IQCJ: variants seen among roughly 807,000 people sequenced by gnomAD.
The protein encoded by IQCJ is IQ domain-containing protein J.
In IQCJ, 9 loss-of-function variants were observed where a neutral mutation model predicts 11.0. The ratio of observed to expected loss-of-function variants is 0.82; its 90% CI spans 0.49 to 1.43. The LOEUF (loss-of-function observed/expected upper bound fraction) is 1.43, where lower values mean the gene tolerates loss of function less well. Among genes scored for constraint, IQCJ ranks in the 40% most tolerant of loss-of-function variants. The pLI is 0.00. For missense variants in IQCJ, 146 were observed against 133.2 expected, an observed-to-expected ratio of 1.10 and a Z score of -0.47; for synonymous variants, 55 against 51.3, an observed-to-expected ratio of 1.07 and a Z score of -0.31.
At chr3:159,137,526 T>C (rs1720366416) in intron 1 of IQCJ, among the ~76,000 whole-genome samples, 1 of 152,200 alleles carries the variant, frequency 6.6e-6, no homozygotes, top group Non-Finnish European at 1.5e-5. Flanking sequence ...CATAAGACAA[T>C]GATCCTTTAA....
At chr3:159,185,617 G>A (rs1723330971) in intron 1 of IQCJ, among the ~76,000 whole-genome samples, 1 of 152,170 alleles carries the variant, frequency 6.6e-6, no homozygotes, top group African/African-American at 2.4e-5. Flanking sequence ...CTCAGTATCT[G>A]CAATGAAATT....
chr3:159,103,726 A>C (rs1718073838), intron 1 of IQCJ, among the ~76,000 whole-genome samples: 1 of 152,220 alleles, frequency 6.6e-6, no homozygotes, highest in African/African-American at 2.4e-5. Flanking sequence ...GGTGTTTCAC[A>C]TCTAAGTTGC....
At position 159,263,400 on chromosome 3, in the gene IQCJ, C is replaced by T. The variant is rs1446943463; in HGVS notation, c.*669C>T. ...CCTACAGGCCACCAGTTTAAGAAATCTGAGATAGAGAGTTAAGGAATAAGG... is the reference window on the plus strand; with the variant it reads ...CCTACAGGCCACCAGTTTAAGAAATTTGAGATAGAGAGTTAAGGAATAAGG... On this transcript the variant is annotated 3_prime_UTR_variant, in exon 4 of 4. Coordinates refer to ENST00000397832, the MANE Select transcript of IQCJ (RefSeq NM_001042706.3). The T allele has an allele frequency of 3.7e-5, 36 of 974,228 alleles. No homozygotes were observed. Among genetic ancestry groups the T allele is most frequent in the Non-Finnish European group, 4.1e-5 (34 of 819,938 alleles). 60.3% of individuals were successfully genotyped at this position (974,228 alleles called of 1,614,324 possible).
chr3:159,255,006 G>A (rs868433509), intron 3 of IQCJ, among the ~76,000 whole-genome samples: 4 of 152,340 alleles, frequency 2.6e-5, no homozygotes, highest in East Asian at 1.9e-4. Flanking sequence ...CCAGCTGACC[G>A]TGGCATCTTC....
chr3:159,142,174 TTTTG>T (rs1720640432), intron 1 of IQCJ, among the ~76,000 whole-genome samples: 2 of 152,206 alleles, frequency 1.3e-5, no homozygotes. Flanking sequence ...TCTGATTTGA[TTTTG>T]TTTTTTAGTC....
rs74409987 is a variant in IQCJ, at chr3:159,194,850, C to T, written c.10-50993C>T. 9.9e-4 allele frequency among the ~76,000 whole-genome samples: 150 copies of T among 152,198 alleles called. 1 individual carries two copies. Among genetic ancestry groups the T allele is most frequent in the African/African-American group, 3.4e-3 (140 of 41,528 alleles). On this transcript the variant is annotated intron_variant, in intron 1 of 3. Coordinates refer to ENST00000397832, the MANE Select transcript of IQCJ (RefSeq NM_001042706.3). ...TATCACGACTGGGTGTGGTGGCTCA[C>T]GCCTGTAATCCCAGCACTTTGGGAG...
intron 1 of IQCJ, among the ~76,000 whole-genome samples, chr3:159,121,209 C>T (rs987690361): frequency 6.6e-6 from 1 of 151,172 alleles, no homozygotes; most frequent in Admixed American, 6.6e-5. Flanking sequence ...TCATGGCTCA[C>T]TGCAGCCTCG....
At chr3:159,132,319 A>T (rs866978984) in intron 1 of IQCJ, among the ~76,000 whole-genome samples, 4 of 152,202 alleles carry the variant, frequency 2.6e-5, no homozygotes, top group Non-Finnish European at 5.9e-5. Context: ...AGAAAAATTA[A>T]AAGAAACCCC....
intron 1 of IQCJ, among the ~76,000 whole-genome samples, chr3:159,245,458 C>CTTTTTTTTT (rs34153369): frequency 5.3e-5 from 6 of 113,064 alleles, no homozygotes; most frequent in Non-Finnish European, 5.4e-5. Context: ...GTCCTGAATT[C>CTTTTTTTTT]TTTTTTTTTT....
intron 1 of IQCJ, among the ~76,000 whole-genome samples, chr3:159,140,841 T>A (rs542377288): frequency 1.3e-5 from 2 of 152,294 alleles, no homozygotes; most frequent in South Asian, 4.1e-4. Flanking sequence ...TGCAGAAATG[T>A]GTTGTCTCAC....
chr3:159,072,743 A>C (rs1376370133), intron 1 of IQCJ, among the ~76,000 whole-genome samples: 1 of 152,114 alleles, frequency 6.6e-6, no homozygotes, highest in African/African-American at 2.4e-5. Flanking sequence ...GACTATTAAT[A>C]TCCACATTCT....
At chr3:159,215,411 AG>A (rs1460093846) in intron 1 of IQCJ, among the ~76,000 whole-genome samples, 3 of 152,276 alleles carry the variant, frequency 2.0e-5, no homozygotes, top group South Asian at 2.1e-4. Flanking sequence ...ATATTCCTTC[AG>A]CTTAAAATAT....
intron 2 of IQCJ, among the ~76,000 whole-genome samples, chr3:159,247,121 G>A (rs944002576): frequency 2.6e-5 from 4 of 152,086 alleles, no homozygotes; most frequent in Admixed American, 6.5e-5. Flanking sequence ...TTTTGAGGTG[G>A]AGTCTCACTC....
intron 1 of IQCJ, among the ~76,000 whole-genome samples, chr3:159,146,713 G>A (rs1378472707): frequency 5.9e-5 from 9 of 152,166 alleles, no homozygotes; most frequent in Admixed American, 3.3e-4. Flanking sequence ...GGAAAGGACC[G>A]TAATAATTTA....
intron 1 of IQCJ, among the ~76,000 whole-genome samples, chr3:159,149,164 T>A (rs1037130922): frequency 6.6e-6 from 1 of 152,252 alleles, no homozygotes; most frequent in African/African-American, 2.4e-5. Flanking sequence ...AAATGACTTT[T>A]CTTCCGGTGC....
intron 1 of IQCJ, among the ~76,000 whole-genome samples, chr3:159,219,094 A>T (rs1024377128): frequency 6.6e-6 from 1 of 152,090 alleles, no homozygotes; most frequent in Non-Finnish European, 1.5e-5. Context: ...AAAATCCTTG[A>T]CTTACATCTG....
At chr3:159,157,089 T>G (rs1721564498) in intron 1 of IQCJ, among the ~76,000 whole-genome samples, 1 of 152,230 alleles carries the variant, frequency 6.6e-6, no homozygotes, top group Admixed American at 6.5e-5. Flanking sequence ...TGTGTTTTTC[T>G]TAGTCTAATA....
In IQCJ at chr3:159,252,768, A is replaced by G. The variant is rs771478531; in HGVS notation, c.116A>G (p.Tyr39Cys). The G allele has an allele frequency of 3.1e-6, 5 of 1,612,702 alleles. No homozygotes were observed. The South Asian group carries it at 5.5e-5, about 18-fold the overall frequency. ...GATGCAGAGAATAATATTGAAAAGT[A>G]TCCCCTCAATCTACAGCCCTTGGAA... ...AMDAENNIEK[Y>C]PLNLQPLESK... is the part of the protein sequence containing the mutation. The change falls in exon 3 of 4, where the codon TAT becomes TGT. Residue 39 changes from tyrosine (Y) to cysteine (C), a missense_variant. By Grantham distance (194) the Tyr-to-Cys change is radical. Coordinates refer to ENST00000397832, the MANE Select transcript of IQCJ (RefSeq NM_001042706.3).
intron 1 of IQCJ, among the ~76,000 whole-genome samples, chr3:159,164,024 T>A (rs1722028187): frequency 6.6e-6 from 1 of 152,160 alleles, no homozygotes; most frequent in African/African-American, 2.4e-5. Flanking sequence ...TTAGGTTAAA[T>A]ATGCAAAGTA....
Sources: gnomAD v4.1 joint callset for allele counts (sites outside exome capture counted in the v4.1 genomes callset) on GRCh38, gnomAD v4.1.1 for gene constraint, MANE v1.5 for transcripts, NCBI Gene and HGNC (gene_info 2026-07-23, HGNC 2026-07-21) for gene names.